The following STS variants were observed in gnomAD, a reference collection of about 807,000 sequenced individuals.
STS encodes steroid sulfatase.
In STS, 7 loss-of-function variants were observed where a neutral mutation model predicts 26.8. That is an observed-to-expected ratio of 0.26 (90% CI 0.15 to 0.49). The LOEUF is 0.49. Ranked by LOEUF, STS falls within the 20% of genes least tolerant of loss-of-function variation. STS has a pLI of 0.98. For synonymous variants in STS, 199 were observed against 189.4 expected (o/e 1.05, Z -0.42); for missense variants, 434 against 465.6 (o/e 0.93, Z 0.63).
At chrX:7,178,249 T>G (rs761826164) in intron 1 of STS, among the ~76,000 whole-genome samples, 13 of 112,254 alleles carry the variant, frequency 1.2e-4, no homozygotes, top group Non-Finnish European at 2.1e-4. Flanking sequence ...GTGCAAAAGT[T>G]TAAAGTAAGT....
At chrX:7,339,262 T>G (rs1928174149) in intron 10 of STS, among the ~76,000 whole-genome samples, 1 of 111,376 alleles carries the variant, frequency 9.0e-6, no homozygotes, top group Non-Finnish European at 1.9e-5. Context: ...ATCTAAAGTG[T>G]CAGAAATGAA....
intron 7 of STS, among the ~76,000 whole-genome samples, chrX:7,286,681 T>G (rs1925148625): frequency 8.9e-6 from 1 of 111,751 alleles, no homozygotes; most frequent in Non-Finnish European, 1.9e-5. Context: ...AACCCACTTA[T>G]GCGTGATTCT....
At chrX:7,205,975 T>C (rs1292147436) in intron 2 of STS, among the ~76,000 whole-genome samples, 1 of 110,548 alleles carries the variant, frequency 9.0e-6, no homozygotes, top group Non-Finnish European at 1.9e-5. Flanking sequence ...CCACTCAGGG[T>C]AAAGGCCAAA....
chrX:7,198,280 G>C (rs1320766377), intron 2 of STS, among the ~76,000 whole-genome samples: 1 of 111,110 alleles, frequency 9.0e-6, no homozygotes, highest in South Asian at 3.8e-4. Context: ...GAAATAATAG[G>C]GGCCCAAAGT....
rs187743711 is a variant in STS at position 7,329,064 on chromosome X, C to G, written c.1241+3566C>G. Among the ~76,000 whole-genome samples the G allele has an allele frequency of 2.6e-3, 288 of 111,976 alleles. 4 individuals carry two copies. Among genetic ancestry groups the G allele is most frequent in the African/African-American group, 8.8e-3 (271 of 30,816 alleles). On this transcript the variant is annotated intron_variant, in intron 9 of 10. Coordinates refer to ENST00000674429, the MANE Select transcript of STS (RefSeq NM_001320752.2). ...GTCCTAGCTCCTGGTACTAGTCCAG[C>G]TGTAAAATGCCTTTGTCATCCTAGA...
intron 10 of STS, among the ~76,000 whole-genome samples, chrX:7,334,904 A>G (rs1360197504): frequency 3.6e-5 from 4 of 112,349 alleles, no homozygotes; most frequent in Non-Finnish European, 5.6e-5. Context: ...CAATTAGCAT[A>G]CAGGAACAAA....
chrX:7,276,578 C>T (rs1023155485), intron 7 of STS, among the ~76,000 whole-genome samples: 1 of 112,390 alleles, frequency 8.9e-6, no homozygotes, highest in African/African-American at 3.2e-5. Flanking sequence ...GATTCATGGA[C>T]GAAAAGAGAC....
chrX:7,256,483 C>G (rs1923414145), intron 3 of STS, among the ~76,000 whole-genome samples: 2 of 111,642 alleles, frequency 1.8e-5, no homozygotes, highest in Admixed American at 9.5e-5. Flanking sequence ...TTCCCTGTCC[C>G]TGGGGGCATG....
intron 1 of STS, among the ~76,000 whole-genome samples, chrX:7,181,050 G>C (rs1388521647): frequency 8.9e-6 from 1 of 112,026 alleles, no homozygotes; most frequent in African/African-American, 3.2e-5. Flanking sequence ...GGTAGGCAGG[G>C]CCGCTATGTC....
chrX:7,302,288 G>A (rs1283813149), intron 7 of STS, among the ~76,000 whole-genome samples: 2 of 111,477 alleles, frequency 1.8e-5, no homozygotes, highest in African/African-American at 6.5e-5. Context: ...TTCTTTCAAA[G>A]TATAAACGGG....
intron 2 of STS, among the ~76,000 whole-genome samples, chrX:7,219,173 AG>A (rs1921435103): frequency 1.8e-5 from 2 of 111,962 alleles, no homozygotes; most frequent in South Asian, 7.5e-4. Context: ...GGTATAAGAG[AG>A]GGGGGAAAAT....
chrX:7,254,651 G>A (rs761478029), intron 3 of STS, among the ~76,000 whole-genome samples: 3 of 99,390 alleles, frequency 3.0e-5, no homozygotes, highest in Admixed American at 2.3e-4. Flanking sequence ...GCACGATCTC[G>A]GGGATCACTG....
At chrX:7,266,224 G>A (rs752140025) in intron 6 of STS, among the ~76,000 whole-genome samples, 2 of 111,670 alleles carry the variant, frequency 1.8e-5, no homozygotes, top group Admixed American at 1.9e-4. Context: ...TCTGTCAAAG[G>A]TGGTGAGGAA....
chrX:7,349,533 C>T (rs1028120923), intron 10 of STS, among the ~76,000 whole-genome samples: 5 of 106,820 alleles, frequency 4.7e-5, no homozygotes, highest in African/African-American at 1.0e-4. Flanking sequence ...GACGGGGTTT[C>T]GCCATGTTGG....
At chrX:7,203,329 G>T (rs1934108846) in intron 2 of STS, among the ~76,000 whole-genome samples, 1 of 102,342 alleles carries the variant, frequency 9.8e-6, no homozygotes, top group African/African-American at 3.6e-5. Flanking sequence ...TAAAAAATAG[G>T]AACTAAACAA....
intron 5 of STS, among the ~76,000 whole-genome samples, chrX:7,258,013 T>G (rs1166181972): frequency 2.4e-4 from 6 of 25,475 alleles, no homozygotes; most frequent in Admixed American, 7.6e-4. Context: ...ATAGATGGGA[T>G]GGATGGATGG....
intron 7 of STS, among the ~76,000 whole-genome samples, chrX:7,300,740 T>C (rs1425887206): frequency 1.8e-5 from 2 of 111,316 alleles, no homozygotes; most frequent in African/African-American, 6.5e-5. Flanking sequence ...AGCCCAGTTG[T>C]ATAGGGCACT....
chrX:7,180,217 A>G (rs1359787812), intron 1 of STS, among the ~76,000 whole-genome samples: 2 of 111,587 alleles, frequency 1.8e-5, no homozygotes, highest in East Asian at 5.6e-4. Context: ...AAATAATTAT[A>G]CAACTCACCA....
chrX:7,349,687 C>T (rs1368711531), intron 10 of STS, among the ~76,000 whole-genome samples: 1 of 111,475 alleles, frequency 9.0e-6, no homozygotes, highest in Non-Finnish European at 1.9e-5. Flanking sequence ...AAGTTTGACG[C>T]TGTTCCTGCT....
Sources: allele counts gnomAD v4.1 joint callset (sites outside exome capture counted in the v4.1 genomes callset), GRCh38; gene constraint gnomAD v4.1.1; transcripts MANE v1.5; gene names NCBI Gene and HGNC (gene_info 2026-07-23, HGNC 2026-07-21).